LAMA2: variants seen among roughly 807,000 people sequenced by gnomAD.
LAMA2 encodes laminin subunit alpha-2.
In LAMA2, 269 loss-of-function variants were observed where a neutral mutation model predicts 364.8. That is an observed-to-expected ratio of 0.74 (90% confidence interval 0.67 to 0.82). LAMA2 has a LOEUF of 0.82. LAMA2 is among the 40% of genes least tolerant of loss of function. The pLI is 0.00. For synonymous variants in LAMA2, 1,379 were observed against 1,370.6 expected (o/e 1.01, Z -0.14); for missense variants, 3,807 against 3,873.2 (o/e 0.98, Z 0.45).
rs1401854654 is a variant in LAMA2, at chr6:129,267,203, T to G, written c.2306T>G (p.Val769Gly). ...CFGHAESCDD[V>G]TGECLNCKDH... Reference sequence around the variant, plus strand: ...GGTCATGCGGAGTCCTGTGATGACGTCACTGGAGAATGCCTGGTAAGTGCT... The same window carrying G: ...GGTCATGCGGAGTCCTGTGATGACGGCACTGGAGAATGCCTGGTAAGTGCT... The change falls in exon 16 of 65, where the codon GTC becomes GGC. Residue 769 changes from valine (V) to glycine (G), a missense_variant. Physicochemically the swap from Val to Gly is moderately radical, Grantham distance 109. This residue lies in a region of LAMA2 where 3,333 missense variants were observed against 3,345.7 expected (regional missense o/e 1.00). Transcript: ENST00000421865. 1 of 1,610,362 alleles carries G rather than the reference T, an allele frequency of 6.2e-7. No homozygotes were observed. Among genetic ancestry groups the G allele is most frequent in the East Asian group, 2.2e-5 (1 of 44,874 alleles).
intron 41 of LAMA2, among the ~76,000 whole-genome samples, chr6:129,435,032 G>A (rs796672114): frequency 1.3e-4 from 20 of 152,058 alleles, no homozygotes; most frequent in African/African-American, 3.4e-4. Context: ...CAAAATTAGC[G>A]CTTTGGAACT....
intron 1 of LAMA2, among the ~76,000 whole-genome samples, chr6:129,006,371 ATAATCT>A (rs1784441773): frequency 6.6e-6 from 1 of 152,146 alleles, no homozygotes. Context: ...GAAATGAGTG[ATAATCT>A]TAATTTTATT....
chr6:128,970,771 G>A (rs902712893), intron 1 of LAMA2, among the ~76,000 whole-genome samples: 6 of 152,134 alleles, frequency 3.9e-5, no homozygotes, highest in African/African-American at 1.4e-4. Flanking sequence ...GTCGATCATT[G>A]CCCATTGGTT....
Position 129,335,606 on chromosome 6 carries a change from T to A in LAMA2, c.4312-6737T>A, listed in dbSNP as rs1775913403. On this transcript the variant is annotated intron_variant, in intron 29 of 64. Transcript: ENST00000421865. ...AAAAATAAATCTCTATAACTGATCA[T>A]TGCTGTTGCCTGAAACATTTAACCA... 2.0e-5 allele frequency among the ~76,000 whole-genome samples: 3 copies of A among 152,180 alleles called. 1 individual carries two copies. In the South Asian group the frequency reaches 6.2e-4, roughly 31 times the overall value.
intron 4 of LAMA2, among the ~76,000 whole-genome samples, chr6:129,128,328 G>A (rs1254706036): frequency 1.3e-5 from 2 of 151,992 alleles, no homozygotes; most frequent in Non-Finnish European, 2.9e-5. Flanking sequence ...GTTGATTTCT[G>A]GGCTATTATG....
chr6:129,318,831 T>C (rs746527344), intron 27 of LAMA2, among the ~76,000 whole-genome samples: 3 of 152,248 alleles, frequency 2.0e-5, no homozygotes, highest in African/African-American at 4.8e-5. Context: ...ATAAAGTTTA[T>C]GACTCAAACT....
intron 1 of LAMA2, among the ~76,000 whole-genome samples, chr6:129,042,011 A>AAG (rs1787133873): frequency 6.6e-6 from 1 of 151,016 alleles, no homozygotes. Flanking sequence ...CAAAAAAAAA[A>AAG]AAAATAGTTA....
At chr6:129,329,550 C>T (rs1368587357) in intron 29 of LAMA2, among the ~76,000 whole-genome samples, 1 of 151,998 alleles carries the variant, frequency 6.6e-6, no homozygotes, top group Non-Finnish European at 1.5e-5. Flanking sequence ...TTAGTAGAGA[C>T]GGGGTTTCAC....
intron 35 of LAMA2, among the ~76,000 whole-genome samples, chr6:129,384,847 A>G (rs1778890471): frequency 6.6e-6 from 1 of 151,890 alleles, no homozygotes; most frequent in Non-Finnish European, 1.5e-5. Context: ...TTTCTAATTT[A>G]TGTGAAGTGC....
chr6:129,275,864 A>G (rs1788286656), intron 17 of LAMA2, among the ~76,000 whole-genome samples: 2 of 152,202 alleles, frequency 1.3e-5, no homozygotes, highest in South Asian at 4.1e-4. Flanking sequence ...CAGAATGGGA[A>G]ACAGGTTTAG....
intron 22 of LAMA2, among the ~76,000 whole-genome samples, chr6:129,310,326 A>G (rs1774140275): frequency 6.6e-6 from 1 of 152,238 alleles, no homozygotes. Flanking sequence ...TAGCAGGAAC[A>G]GAAACATAAT....
At chr6:129,184,808 G>A (rs985755195) in intron 10 of LAMA2, among the ~76,000 whole-genome samples, 4 of 151,728 alleles carry the variant, frequency 2.6e-5, no homozygotes, top group African/African-American at 7.3e-5. Flanking sequence ...TATTTTCATC[G>A]TTTTAACTAC....
Position 129,353,374 on chromosome 6 carries a change from T to C in LAMA2, c.4717+17T>C. The stretch of plus-strand genomic sequence containing the variant: ...AGTGTGTTTGTACGTATACTAACTT[T>C]GCTGTTAGTTTTGGAGGCCTTGATT... On this transcript the variant is annotated intron_variant, in intron 32 of 64. Coordinates refer to ENST00000421865, the MANE Select transcript of LAMA2 (RefSeq NM_000426.4). 6.2e-7 allele frequency: 1 copy of C among 1,607,600 alleles called. No individual in the cohort carries two copies. Among genetic ancestry groups the C allele is most frequent in the Non-Finnish European group, 8.5e-7 (1 of 1,174,624 alleles).
intron 40 of LAMA2, among the ~76,000 whole-genome samples, chr6:129,426,094 T>C (rs1781310881): frequency 6.6e-6 from 1 of 152,172 alleles, no homozygotes; most frequent in Admixed American, 6.5e-5. Flanking sequence ...CTTGGTTATT[T>C]TACCACAATA....
chr6:129,028,343 T>C (rs934969210), intron 1 of LAMA2, among the ~76,000 whole-genome samples: 1 of 151,552 alleles, frequency 6.6e-6, no homozygotes, highest in African/African-American at 2.4e-5. Flanking sequence ...TTCAGTACTT[T>C]TTTGGGTCCA....
At chr6:129,099,695 G>A (rs746093311) in intron 4 of LAMA2, among the ~76,000 whole-genome samples, 4 of 152,128 alleles carry the variant, frequency 2.6e-5, no homozygotes, top group Non-Finnish European at 5.9e-5. Context: ...TAGGGTTTTG[G>A]CATAAATCTG....
At chr6:128,929,292 C>T in intron 1 of LAMA2, 2 of 1,263,594 alleles carry the variant, frequency 1.6e-6, no homozygotes. Flanking sequence ...CGGATCCCTG[C>T]CCACATGTCC....
intron 18 of LAMA2, among the ~76,000 whole-genome samples, chr6:129,281,582 T>G (rs113714733): frequency 3.1e-4 from 47 of 152,310 alleles, no homozygotes; most frequent in Middle Eastern, 3.4e-3. Context: ...TATAAATAGA[T>G]GCATTTTCCC....
intron 17 of LAMA2, among the ~76,000 whole-genome samples, chr6:129,273,902 A>C (rs1313554249): frequency 2.0e-5 from 3 of 151,712 alleles, no homozygotes; most frequent in Non-Finnish European, 2.9e-5. Context: ...TTATTAGTAA[A>C]TATTAATAAT....
Sources: gnomAD v4.1 joint callset for allele counts (sites outside exome capture counted in the v4.1 genomes callset) on GRCh38, gnomAD v4.1.1 for gene constraint, gnomAD v4.1.1 regional missense constraint, MANE v1.5 for transcripts, NCBI Gene and HGNC (gene_info 2026-07-23, HGNC 2026-07-21) for gene names.